The following PRKD1 variants were observed in gnomAD, a reference collection of about 807,000 sequenced individuals.
PRKD1 encodes serine/threonine-protein kinase D1.
In PRKD1, 63 loss-of-function variants were observed where a neutral mutation model predicts 95.9. The observed-to-expected ratio is 0.66, with a 90% confidence interval of 0.54 to 0.81. The LOEUF (loss-of-function observed/expected upper bound fraction) is 0.81. PRKD1 is among the 30% of genes least tolerant of loss of function. PRKD1 has a pLI of 0.00. For missense variants in PRKD1, 1,048 were observed against 1,165.3 expected (o/e 0.90, Z 1.47); for synonymous variants, 425 against 423.1 (o/e 1.00, Z -0.05).
chr14:29,885,095 C>A (rs112513716), intron 1 of PRKD1, among the ~76,000 whole-genome samples: 8,417 of 150,238 alleles, frequency 0.056, 817 homozygotes, highest in African/African-American at 0.19. Flanking sequence ...TGCACTCCCC[C>A]CTGGGCAACA....
intron 1 of PRKD1, among the ~76,000 whole-genome samples, chr14:29,866,787 G>A (rs1892923294): frequency 6.6e-6 from 1 of 152,302 alleles, no homozygotes; most frequent in African/African-American, 2.4e-5. Flanking sequence ...GTTACTAAAT[G>A]GCATCATTGG....
At chr14:29,616,172 T>C (rs1878839586) in intron 13 of PRKD1, among the ~76,000 whole-genome samples, 1 of 128,384 alleles carries the variant, frequency 7.8e-6, no homozygotes, top group South Asian at 2.3e-4. Flanking sequence ...TTGGATCTTG[T>C]AAGTACAGGG....
intron 2 of PRKD1, among the ~76,000 whole-genome samples, chr14:29,693,751 T>C (rs66692628): frequency 0.069 from 10,508 of 151,958 alleles, 929 homozygotes; most frequent in African/African-American, 0.2. Flanking sequence ...GAAATTACTG[T>C]CTGAGGATGA....
intron 1 of PRKD1, among the ~76,000 whole-genome samples, chr14:29,766,511 C>G (rs1042297502): frequency 6.6e-6 from 1 of 152,120 alleles, no homozygotes; most frequent in Non-Finnish European, 1.5e-5. Flanking sequence ...GTATTGCCCA[C>G]GAATTTCATC....
At chr14:29,655,993 C>T (rs1881813243) in intron 4 of PRKD1, among the ~76,000 whole-genome samples, 2 of 151,072 alleles carry the variant, frequency 1.3e-5, no homozygotes, top group Admixed American at 6.6e-5. Flanking sequence ...CAAGCAGTTA[C>T]AGCCATCTTT....
chr14:29,848,331 G>A (rs552163383), intron 1 of PRKD1, among the ~76,000 whole-genome samples: 4 of 151,928 alleles, frequency 2.6e-5, no homozygotes, highest in South Asian at 2.1e-4. Context: ...CTGAAGTGAC[G>A]TCCAGAAGAA....
chr14:29,645,972 C>T (rs1192143570), intron 4 of PRKD1, among the ~76,000 whole-genome samples: 1 of 152,110 alleles, frequency 6.6e-6, no homozygotes, highest in Non-Finnish European at 1.5e-5. Flanking sequence ...TACTGTCTCC[C>T]TTCAACAGAA....
chr14:29,920,907 C>A (rs1272474817), intron 1 of PRKD1, among the ~76,000 whole-genome samples: 3 of 152,230 alleles, frequency 2.0e-5, no homozygotes, highest in African/African-American at 7.2e-5. Flanking sequence ...AGCAAACAAC[C>A]TCTAGATGTT....
intron 2 of PRKD1, among the ~76,000 whole-genome samples, chr14:29,715,193 C>G (rs1594453209): frequency 6.6e-6 from 1 of 151,942 alleles, no homozygotes; most frequent in East Asian, 1.9e-4. Context: ...CAATATGTCA[C>G]ATTGAAGGTC....
chr14:29,754,629 T>A (rs563144985), intron 1 of PRKD1, among the ~76,000 whole-genome samples: 81 of 152,282 alleles, frequency 5.3e-4, no homozygotes, highest in Non-Finnish European at 9.9e-4. Flanking sequence ...ATATAAATTT[T>A]TCCTGTTTAC....
At chr14:29,884,038 T>C (rs1345958294) in intron 1 of PRKD1, among the ~76,000 whole-genome samples, 1 of 152,196 alleles carries the variant, frequency 6.6e-6, no homozygotes, top group Non-Finnish European at 1.5e-5. Context: ...TTTGTGTAAT[T>C]TGGTCAACTC....
chr14:29,805,659 G>A (rs1192146064), intron 1 of PRKD1, among the ~76,000 whole-genome samples: 8 of 152,224 alleles, frequency 5.3e-5, no homozygotes, highest in African/African-American at 1.9e-4. Flanking sequence ...TTTTTCAGAT[G>A]TGGAAAGGTA....
intron 16 of PRKD1, among the ~76,000 whole-genome samples, chr14:29,595,113 CCATCTGAGCTGGTCTCCATATCACTT>C (rs1402040602): frequency 1.3e-5 from 2 of 152,028 alleles, no homozygotes; most frequent in African/African-American, 4.8e-5. Flanking sequence ...GTTCTATCTC[CCATCTGAGCTGGTCTCCATATCACTT>C]CATCTGAGTG....
intron 16 of PRKD1, among the ~76,000 whole-genome samples, chr14:29,593,378 G>A (rs1415237758): frequency 6.6e-6 from 1 of 152,124 alleles, no homozygotes; most frequent in Non-Finnish European, 1.5e-5. Flanking sequence ...TTTTGTGATT[G>A]TTTTTAGCCT....
chr14:29,844,160 G>A (rs967437041), intron 1 of PRKD1, among the ~76,000 whole-genome samples: 4 of 152,148 alleles, frequency 2.6e-5, no homozygotes, highest in Admixed American at 2.6e-4. Context: ...GGGAAACTTG[G>A]AAGAAAATAA....
intron 1 of PRKD1, among the ~76,000 whole-genome samples, chr14:29,865,964 C>T (rs1892886364): frequency 6.6e-6 from 1 of 152,054 alleles, no homozygotes; most frequent in South Asian, 2.1e-4. Flanking sequence ...TATTTTTTAA[C>T]CTAGAAAGAT....
At chr14:29,693,108 A>G (rs1412795172) in intron 2 of PRKD1, among the ~76,000 whole-genome samples, 2 of 152,196 alleles carry the variant, frequency 1.3e-5, no homozygotes, top group Non-Finnish European at 2.9e-5. Flanking sequence ...TTATTTACTT[A>G]GAAACAACTT....
intron 10 of PRKD1, 27 bp downstream of exon 10, chr14:29,630,715 G>A (rs1294669641): frequency 6.2e-7 from 1 of 1,613,738 alleles, no homozygotes; most frequent in East Asian, 2.2e-5. Context: ...ATGAGCTTTG[G>A]GCTGGTTAGA....
chr14:29,666,652 TGAA>T (rs1255851064), intron 2 of PRKD1, among the ~76,000 whole-genome samples: 1 of 152,104 alleles, frequency 6.6e-6, no homozygotes, highest in Non-Finnish European at 1.5e-5. Flanking sequence ...AGTTTGACAA[TGAA>T]GAAGTACATT....
Sources: allele counts gnomAD v4.1 joint callset (sites outside exome capture counted in the v4.1 genomes callset), GRCh38; gene constraint gnomAD v4.1.1; transcripts MANE v1.5; gene names NCBI Gene and HGNC (gene_info 2026-07-23, HGNC 2026-07-21).